The following OSBPL10 variants were observed in gnomAD, a reference collection of about 807,000 sequenced individuals.
OSBPL10 encodes the protein oxysterol binding protein like 10.
A neutral mutation model predicts 81.7 loss-of-function variants in OSBPL10; 49 were observed. The ratio of observed to expected loss-of-function variants is 0.60; its 90% CI spans 0.48 to 0.76. The LOEUF is 0.76. Ranked by LOEUF, OSBPL10 falls within the 30% of genes least tolerant of loss-of-function variation. The pLI, the probability that OSBPL10 is intolerant of heterozygous loss-of-function variation, is 0.00. For missense variants in OSBPL10, 923 were observed against 987.8 expected (o/e 0.93, Z 0.88); for synonymous variants, 419 against 383.6 (o/e 1.09, Z -1.08).
At chr3:31,939,841 T>C (rs973983329) in intron 1 of OSBPL10, among the ~76,000 whole-genome samples, 4 of 152,138 alleles carry the variant, frequency 2.6e-5, no homozygotes, top group African/African-American at 7.2e-5. Context: ...GCTTAAGCGA[T>C]CCTCCTGCCT....
At chr3:31,883,021 G>C (rs1271685553) in intron 1 of OSBPL10, among the ~76,000 whole-genome samples, 1 of 152,184 alleles carries the variant, frequency 6.6e-6, no homozygotes, top group Non-Finnish European at 1.5e-5. Context: ...TTTAAGTGCT[G>C]ACTGCCTTGA....
At chr3:31,790,256 G>C (rs536406505) in intron 4 of OSBPL10, among the ~76,000 whole-genome samples, 1 of 152,288 alleles carries the variant, frequency 6.6e-6, no homozygotes, top group Non-Finnish European at 1.5e-5. Flanking sequence ...GTAATACTCT[G>C]TTGGCAGGAG....
intron 2 of OSBPL10, among the ~76,000 whole-genome samples, chr3:32,035,268 T>C (rs1250933992): frequency 6.6e-6 from 1 of 152,062 alleles, no homozygotes; most frequent in Non-Finnish European, 1.5e-5. Flanking sequence ...AACTTACAAC[T>C]CTGAAGAATC....
At chr3:31,997,598 T>C (rs1015166977) in intron 2 of OSBPL10, among the ~76,000 whole-genome samples, 3 of 151,622 alleles carry the variant, frequency 2.0e-5, no homozygotes, top group Admixed American at 6.6e-5. Flanking sequence ...AGTTAGTGAA[T>C]TAGCAAATGA....
chr3:31,950,822 T>C (rs1697846663), intron 1 of OSBPL10, among the ~76,000 whole-genome samples: 1 of 152,146 alleles, frequency 6.6e-6, no homozygotes, highest in Admixed American at 6.5e-5. Flanking sequence ...TCCTCCTCTC[T>C]CTCTTGCTCC....
chr3:32,035,364 C>T, intron 2 of OSBPL10, among the ~76,000 whole-genome samples: 1 of 151,970 alleles, frequency 6.6e-6, no homozygotes, highest in Non-Finnish European at 1.5e-5. Context: ...GAGTTCGAGA[C>T]CAGCTTGGCC....
upstream of OSBPL10, chr3:31,981,274 G>A: frequency 7.7e-7 from 1 of 1,298,136 alleles, no homozygotes; most frequent in Non-Finnish European, 9.7e-7. The surrounding 1 kb of genome is among the most constrained non-coding windows in gnomAD (Gnocchi z 4.5). Context: ...CCCGGGCCGC[G>A]CGTGCCTGCT....
At chr3:32,013,284 A>T (rs1245810646) in intron 2 of OSBPL10, among the ~76,000 whole-genome samples, 2 of 152,246 alleles carry the variant, frequency 1.3e-5, no homozygotes, top group Admixed American at 6.5e-5. Context: ...CTCAGGATTA[A>T]GAAACTCACT....
intron 1 of OSBPL10, among the ~76,000 whole-genome samples, chr3:31,898,338 C>T (rs757328897): frequency 1.2e-4 from 18 of 152,032 alleles, no homozygotes; most frequent in Non-Finnish European, 7.4e-5. Flanking sequence ...TTGATTTAAC[C>T]ACTCCACATT....
At chr3:32,036,022 A>G (rs1699514876) in intron 2 of OSBPL10, among the ~76,000 whole-genome samples, 1 of 152,148 alleles carries the variant, frequency 6.6e-6, no homozygotes, top group African/African-American at 2.4e-5. Flanking sequence ...ACTACTCTGC[A>G]TACTTCATTA....
chr3:31,719,846 A>G (rs1255826655), intron 6 of OSBPL10, among the ~76,000 whole-genome samples: 4 of 152,050 alleles, frequency 2.6e-5, no homozygotes, highest in African/African-American at 9.7e-5. Flanking sequence ...ATTCCTTGTT[A>G]AATAAAATAT....
chr3:31,843,901 A>C (rs1700564948), intron 3 of OSBPL10, among the ~76,000 whole-genome samples: 1 of 152,176 alleles, frequency 6.6e-6, no homozygotes, highest in African/African-American at 2.4e-5. Flanking sequence ...ATTAGTTCTA[A>C]ATCAAACACA....
chr3:32,008,233 C>T (rs80020121), intron 2 of OSBPL10, among the ~76,000 whole-genome samples: 3,847 of 147,614 alleles, frequency 0.026, 149 homozygotes, highest in East Asian at 0.1. Flanking sequence ...AGTGCAGTGG[C>T]GCTCCACCTC....
At chr3:31,961,428 A>T (rs1325817330) in intron 1 of OSBPL10, among the ~76,000 whole-genome samples, 1 of 152,178 alleles carries the variant, frequency 6.6e-6, no homozygotes, top group African/African-American at 2.4e-5. Flanking sequence ...AAGTATCATT[A>T]AAAAGGCTGT....
chr3:31,789,042 G>A (rs552620470), intron 4 of OSBPL10, among the ~76,000 whole-genome samples: 4 of 151,758 alleles, frequency 2.6e-5, no homozygotes, highest in African/African-American at 4.8e-5. Context: ...GCGGTGGCGC[G>A]ATCTTGGCTC....
At chr3:31,840,248 T>C (rs1700459283) in intron 3 of OSBPL10, among the ~76,000 whole-genome samples, 1 of 152,106 alleles carries the variant, frequency 6.6e-6, no homozygotes, top group African/African-American at 2.4e-5. Context: ...AAACCAGCCA[T>C]GGGATGGGAA....
chr3:31,886,296 T>A (rs2125649840), intron 1 of OSBPL10, among the ~76,000 whole-genome samples: 1 of 152,238 alleles, frequency 6.6e-6, no homozygotes, highest in South Asian at 2.1e-4. Flanking sequence ...ATACCTTACA[T>A]AGCCACATTA....
At chr3:31,765,978 A>G (rs1291257487) in intron 4 of OSBPL10, among the ~76,000 whole-genome samples, 4 of 152,120 alleles carry the variant, frequency 2.6e-5, no homozygotes, top group African/African-American at 4.8e-5. Flanking sequence ...CTTCAGAGAT[A>G]TGGCCGTCTC....
intron 4 of OSBPL10, among the ~76,000 whole-genome samples, chr3:31,812,762 GAA>G (rs1247662144): frequency 9.2e-5 from 3 of 32,496 alleles, no homozygotes; most frequent in Admixed American, 9.6e-4. Flanking sequence ...AAGAAAGAAA[GAA>G]AGAAAGAAAG....
Sources: allele counts gnomAD v4.1 joint callset (sites outside exome capture counted in the v4.1 genomes callset), GRCh38; gene constraint gnomAD v4.1.1; non-coding constraint Gnocchi (gnomAD v3.1); transcripts MANE v1.5; gene names NCBI Gene and HGNC (gene_info 2026-07-23, HGNC 2026-07-21).